LMAN2L: variants seen among roughly 807,000 people sequenced by gnomAD.
The protein encoded by LMAN2L is lectin, mannose binding 2 like.
In LMAN2L, 30 loss-of-function variants were observed where a neutral mutation model predicts 44.3. That is an observed-to-expected ratio of 0.68 (90% confidence interval 0.51 to 0.92). The LOEUF (loss-of-function observed/expected upper bound fraction) is 0.92, where lower values mean the gene tolerates loss of function less well. LMAN2L is among the 40% of genes least tolerant of loss of function. The probability of loss-of-function intolerance (pLI) is 0.00; values close to 1 mark genes in which losing one functional copy is unlikely to be tolerated. For synonymous variants in LMAN2L, 183 were observed against 171.1 expected, an observed-to-expected ratio of 1.07 and a Z score of -0.54; for missense variants, 429 against 446.1, an observed-to-expected ratio of 0.96 and a Z score of 0.35.
intron 2 of LMAN2L, chr2:96,737,079 A>G (rs2078531422): frequency 4.5e-6 from 2 of 442,650 alleles, no homozygotes; most frequent in South Asian, 3.2e-5. Flanking sequence ...GCCCAAAAGT[A>G]AACTGGTCGT....
In LMAN2L at chr2:96,725,444, CTTT is replaced by C. The variant is rs998623420; in HGVS notation, c.507+8072_507+8074del. 7.2e-4 allele frequency among the ~76,000 whole-genome samples: 98 copies of C among 136,004 alleles called. 2 individuals are homozygous for C. In the South Asian group the frequency reaches 0.02, roughly 28 times the overall value. The allele number at this position is 136,004 out of a possible 152,430, so 89.2% of individuals were successfully genotyped here. ...TGTCAAAGTTTTTCTATTAAATTTTCTTTTTTTTTTTTTTTTGAGACGGAGTCT... is the reference window on the plus strand; with the variant it reads ...TGTCAAAGTTTTTCTATTAAATTTTCTTTTTTTTTTTTTGAGACGGAGTCT... On this transcript the variant is annotated intron_variant, in intron 4 of 7. Coordinates refer to ENST00000264963, the MANE Select transcript of LMAN2L (RefSeq NM_030805.4).
At chr2:96,720,003 G>T (rs2078117373) in intron 4 of LMAN2L, among the ~76,000 whole-genome samples, 1 of 152,034 alleles carries the variant, frequency 6.6e-6, no homozygotes, top group Admixed American at 6.6e-5. Flanking sequence ...CTCCATCCTG[G>T]GCGATAGAAT....
At chr2:96,733,679 G>A in intron 3 of LMAN2L, 78 bp from the exon 4 acceptor site, 2 of 1,196,382 alleles carry the variant, frequency 1.7e-6, no homozygotes. Context: ...CTATGATGGA[G>A]GAAAAAGTAA....
At chr2:96,738,149 G>A (rs1277186849) in intron 1 of LMAN2L, 82 bp from the exon 2 acceptor site, 12 of 893,228 alleles carry the variant, frequency 1.3e-5, no homozygotes, top group South Asian at 4.3e-5. Flanking sequence ...TCTGAAAGCT[G>A]AGCCATCATC....
At chr2:96,720,757 G>A (rs2078135401) in intron 4 of LMAN2L, among the ~76,000 whole-genome samples, 1 of 152,054 alleles carries the variant, frequency 6.6e-6, no homozygotes, top group African/African-American at 2.4e-5. Context: ...TGGGCAACAT[G>A]GTGAAACCTC....
chr2:96,735,386 G>C (rs141090155), intron 2 of LMAN2L, among the ~76,000 whole-genome samples: 15 of 152,270 alleles, frequency 9.9e-5, no homozygotes, highest in African/African-American at 3.4e-4. Context: ...CTTTATTTCT[G>C]GGATATTTTC....
intron 4 of LMAN2L, among the ~76,000 whole-genome samples, chr2:96,715,974 T>C (rs1022644658): frequency 5.9e-5 from 9 of 152,248 alleles, no homozygotes; most frequent in Non-Finnish European, 5.9e-5. Flanking sequence ...AAGCATTTAG[T>C]ACAATGTCTT....
At chr2:96,725,475 TTC>T (rs2153329744) in intron 4 of LMAN2L, among the ~76,000 whole-genome samples, 1 of 150,462 alleles carries the variant, frequency 6.6e-6, no homozygotes, top group African/African-American at 2.4e-5. Context: ...CGGAGTCTCG[TTC>T]TGTCACCCAG....
chr2:96,726,904 T>C (rs2078283518), intron 4 of LMAN2L, among the ~76,000 whole-genome samples: 1 of 151,882 alleles, frequency 6.6e-6, no homozygotes, highest in African/African-American at 2.4e-5. Flanking sequence ...ATCAACATGG[T>C]GAAACCCCGT....
chr2:96,712,070 A>G, intron 4 of LMAN2L, 45 bp from the exon 5 acceptor site: 1 of 1,592,930 alleles, frequency 6.3e-7, no homozygotes, highest in Non-Finnish European at 8.6e-7. Flanking sequence ...AAGAGCACAT[A>G]GGAACGCCTG....
rs2078599185 is a variant in LMAN2L, at chr2:96,739,914, C to A, written c.127G>T (p.Gly43Trp). The change falls in exon 1 of 8, where the codon GGG becomes TGG. Residue 43 changes from glycine to tryptophan, a missense_variant. Gly to Trp is a radical substitution (Grantham distance 184). Transcript: ENST00000264963. Reference protein sequence around the residue: ...LGSGQGPQQVGAGQTFEYLKR... With the variant: ...LGSGQGPQQVWAGQTFEYLKR... ...AAGTACTCGAACGTTTGACCCGCCC[C>A]GACTTGCTGTGGCCCCTGCCCAGAC... The A allele has an allele frequency of 6.2e-7, 1 of 1,614,034 alleles. No homozygotes were observed. The highest frequency in any genetic ancestry group is 8.5e-7 in the Non-Finnish European group (1 of 1,180,046).
intron 2 of LMAN2L, among the ~76,000 whole-genome samples, chr2:96,737,671 T>C (rs1441672658): frequency 1.3e-5 from 2 of 152,156 alleles, no homozygotes; most frequent in Non-Finnish European, 2.9e-5. Context: ...AGTTAAGTTA[T>C]TATTAAACCC....
intron 6 of LMAN2L, among the ~76,000 whole-genome samples, chr2:96,709,038 C>CCAAGTA (rs2077851987): frequency 6.6e-6 from 1 of 151,728 alleles, no homozygotes; most frequent in African/African-American, 2.4e-5. Flanking sequence ...CCTCAGCCTC[C>CCAAGTA]CAAGTAGCTG....
rs769458080 is a variant in LMAN2L at position 96,711,686 on chromosome 2, C to T, written c.754G>A (p.Gly252Ser). ...GVRLPRGYYF[G>S]TSSITGDLSD... ...AGATCCCCAGTGATGGAGGAGGTGCCGAAGTAGTAGCCGCGGGGCAGGCGG... is the reference window on the plus strand; with the variant it reads ...AGATCCCCAGTGATGGAGGAGGTGCTGAAGTAGTAGCCGCGGGGCAGGCGG... The change falls in exon 6 of 8, where the codon GGC becomes AGC. Residue 252 changes from glycine (G) to serine (S), a missense_variant. Physicochemically the swap from Gly to Ser is moderately conservative, Grantham distance 56. Coordinates refer to ENST00000264963, the MANE Select transcript of LMAN2L (RefSeq NM_030805.4). 3.1e-6 allele frequency: 5 copies of T among 1,613,818 alleles called. No homozygotes were observed. The highest frequency in any genetic ancestry group is 2.2e-5 in the East Asian group (1 of 44,888).
At chr2:96,709,817 G>A (rs901003051) in intron 6 of LMAN2L, among the ~76,000 whole-genome samples, 9 of 152,178 alleles carry the variant, frequency 5.9e-5, no homozygotes, top group Non-Finnish European at 8.8e-5. Context: ...GATACCCTAT[G>A]GGCAGAGAAC....
intron 7 of LMAN2L, 76 bp downstream of exon 7, chr2:96,707,638 C>G: frequency 6.4e-7 from 1 of 1,553,238 alleles, no homozygotes; most frequent in South Asian, 1.2e-5. Flanking sequence ...GCAGAGACCG[C>G]CCTGTGAGCT....
chr2:96,707,182 G>A lies in LMAN2L; in HGVS notation c.*74C>T. The stretch of plus-strand genomic sequence containing the variant: ...TAGAGACAAGAACACTCTCCAGGCT[G>A]CATGCTCAGGCCAGTGCCTGCTCCT... On this transcript the variant is annotated 3_prime_UTR_variant, in exon 8 of 8. Transcript: ENST00000264963. 1.4e-6 allele frequency: 2 copies of A among 1,415,542 alleles called. No individual in the cohort carries two copies. Among genetic ancestry groups the A allele is most frequent in the Non-Finnish European group, 2.0e-6 (2 of 1,022,288 alleles). 87.7% of individuals were successfully genotyped at this position (1,415,542 alleles called of 1,614,324 possible).
chr2:96,713,170 CAA>C (rs1558949433), intron 4 of LMAN2L: 1 of 1,546,218 alleles, frequency 6.5e-7, no homozygotes, highest in African/African-American at 1.4e-5. Context: ...ATGATAAAAA[CAA>C]GAGAGGGCAC....
At chr2:96,707,457 T>C (rs2077809381) in intron 7 of LMAN2L, 59 bp from the exon 8 acceptor site, 1 of 1,551,762 alleles carries the variant, frequency 6.4e-7, no homozygotes, top group Non-Finnish European at 8.7e-7. Flanking sequence ...TAGGGAAGGA[T>C]CAAACTATAG....
Sources: allele counts gnomAD v4.1 joint callset (sites outside exome capture counted in the v4.1 genomes callset), GRCh38; gene constraint gnomAD v4.1.1; transcripts MANE v1.5; gene names NCBI Gene and HGNC (gene_info 2026-07-23, HGNC 2026-07-21).